The following SLC35F3 variants were observed in gnomAD, a reference collection of about 807,000 sequenced individuals.
The protein encoded by SLC35F3 is solute carrier family 35 member F3.
Under a neutral mutation model 49.9 loss-of-function variants are expected in SLC35F3, and 25 were observed. The observed-to-expected ratio is 0.50, with a 90% CI of 0.37 to 0.70. SLC35F3 has a LOEUF of 0.70. SLC35F3 is among the 30% of genes least tolerant of loss of function. The probability of loss-of-function intolerance (pLI) is 0.00; values close to 1 mark genes in which losing one functional copy is unlikely to be tolerated. For missense variants in SLC35F3, 525 were observed against 639.8 expected (o/e 0.82, Z 1.94); for synonymous variants, 275 against 265.4 (o/e 1.04, Z -0.35).
intron 2 of SLC35F3, among the ~76,000 whole-genome samples, chr1:234,221,813 A>G (rs1667210399): frequency 6.6e-6 from 1 of 152,226 alleles, no homozygotes; most frequent in Non-Finnish European, 1.5e-5. Context: ...GGCCTCTTGC[A>G]GCCTGGGCTT....
chr1:234,185,996 G>A (rs1313082911), intron 2 of SLC35F3, among the ~76,000 whole-genome samples: 1 of 152,172 alleles, frequency 6.6e-6, no homozygotes. Flanking sequence ...GACTGCCATA[G>A]GCTGAGTGCC....
At chr1:233,922,981 G>A (rs879460205) in intron 2 of SLC35F3, among the ~76,000 whole-genome samples, 4 of 151,986 alleles carry the variant, frequency 2.6e-5, no homozygotes, top group Admixed American at 6.6e-5. Context: ...TATTTCTGAG[G>A]GCTCTATTAT....
intron 3 of SLC35F3, among the ~76,000 whole-genome samples, chr1:234,247,798 G>GGCTGGTTCATTGTTTGGTGGGTTGGTTC (rs1667661379): frequency 6.6e-6 from 1 of 151,142 alleles, no homozygotes; most frequent in African/African-American, 2.4e-5. Flanking sequence ...TGGGTTGGTT[G>GGCTGGTTCATTGTTTGGTGGGTTGGTTC]GCTGGTCCAT....
At chr1:234,165,348 T>G (rs992381924) in intron 2 of SLC35F3, among the ~76,000 whole-genome samples, 1 of 152,154 alleles carries the variant, frequency 6.6e-6, no homozygotes, top group African/African-American at 2.4e-5. Flanking sequence ...GTCGCTATTA[T>G]GAAGGGCTCT....
At chr1:234,276,064 T>C (rs984572315) in intron 3 of SLC35F3, among the ~76,000 whole-genome samples, 1 of 152,104 alleles carries the variant, frequency 6.6e-6, no homozygotes, top group Non-Finnish European at 1.5e-5. Context: ...GAGGCAACAT[T>C]GGGAGAGGGT....
chr1:234,293,296 C>A (rs566887321), intron 3 of SLC35F3, among the ~76,000 whole-genome samples: 115 of 152,312 alleles, frequency 7.6e-4, no homozygotes, highest in Middle Eastern at 3.4e-3. Flanking sequence ...AGGCAGGAGC[C>A]CTGAGGATGG....
intron 2 of SLC35F3, among the ~76,000 whole-genome samples, chr1:234,032,312 A>C (rs1664075865): frequency 6.6e-6 from 1 of 152,058 alleles, no homozygotes; most frequent in Non-Finnish European, 1.5e-5. Flanking sequence ...TATTATTGCT[A>C]TTCTTTCATG....
rs142523447 is a variant in SLC35F3, at chr1:234,144,462, T to C, written c.284-86955T>C. Among the ~76,000 whole-genome samples the C allele has an allele frequency of 9.6e-4, 147 of 152,338 alleles. 2 individuals carry two copies. Among genetic ancestry groups the C allele is most frequent in the African/African-American group, 3.2e-3 (132 of 41,566 alleles). ...TGGTAATTCTTTGCAGCATATTATT[T>C]CTACCTCTCACTGATGGCTTTCATC... On this transcript the variant is annotated intron_variant, in intron 2 of 7. Transcript: ENST00000366618.
intron 3 of SLC35F3, chr1:234,306,542 A>G (rs1657188998): frequency 6.6e-6 from 1 of 152,558 alleles, no homozygotes; most frequent in South Asian, 2.1e-4. Context: ...TCAAAATATC[A>G]CAAAGCTCAC....
intron 2 of SLC35F3, among the ~76,000 whole-genome samples, chr1:234,226,264 C>T (rs752285728): frequency 1.6e-4 from 25 of 152,160 alleles, no homozygotes; most frequent in Non-Finnish European, 2.5e-4. Flanking sequence ...CTGTGCAATT[C>T]TATCTCCTTT....
rs112663821 is a variant in SLC35F3, at chr1:234,169,758, C to CTGTTTTGTTTTGTTTTGTTT, written c.284-61652_284-61633dup. ...ATGCACATTCTTCCCAGGGGAACATCTGTTTTGTTTTGTTTTGTTTTGTTT... is the reference window on the plus strand; with the variant it reads ...ATGCACATTCTTCCCAGGGGAACATCTGTTTTGTTTTGTTTTGTTTTGTTTTGTTTTGTTTTGTTTTGTTT... On this transcript the variant is annotated intron_variant, in intron 2 of 7. Coordinates refer to ENST00000366618, the MANE Select transcript of SLC35F3 (RefSeq NM_173508.4). 2.6e-4 allele frequency among the ~76,000 whole-genome samples: 39 copies of CTGTTTTGTTTTGTTTTGTTT among 152,106 alleles called. 1 individual carries two copies. The South Asian group carries it at 7.3e-3, about 28-fold the overall frequency.
intron 3 of SLC35F3, among the ~76,000 whole-genome samples, chr1:234,245,735 TA>T (rs1667622268): frequency 6.6e-6 from 1 of 152,192 alleles, no homozygotes; most frequent in African/African-American, 2.4e-5. Context: ...ATGGGCCACC[TA>T]AGCTGGAGCT....
At chr1:234,197,396 A>G (rs1480422261) in intron 2 of SLC35F3, among the ~76,000 whole-genome samples, 1 of 152,194 alleles carries the variant, frequency 6.6e-6, no homozygotes, top group Non-Finnish European at 1.5e-5. Flanking sequence ...TTCCAGGGCA[A>G]AGGTGAGGGC....
intron 2 of SLC35F3, among the ~76,000 whole-genome samples, chr1:233,951,624 A>AT (rs1662609270): frequency 6.6e-6 from 1 of 152,164 alleles, no homozygotes; most frequent in African/African-American, 2.4e-5. Context: ...CAGGAGCAGT[A>AT]TTTAACTAGG....
intron 2 of SLC35F3, among the ~76,000 whole-genome samples, chr1:233,970,995 T>C (rs191223099): frequency 1.3e-5 from 2 of 152,342 alleles, no homozygotes; most frequent in East Asian, 1.9e-4. Context: ...AATTGTTTTG[T>C]TTTTATCTTT....
intron 2 of SLC35F3, among the ~76,000 whole-genome samples, chr1:234,128,084 C>T (rs888643491): frequency 3.9e-5 from 6 of 152,064 alleles, no homozygotes; most frequent in Admixed American, 2.6e-4. Flanking sequence ...GTGCCGGCTG[C>T]GTCTTCAAAG....
chr1:234,059,616 C>CTAGACATAGACATAGACA (rs55704046), intron 2 of SLC35F3, among the ~76,000 whole-genome samples: 6 of 135,362 alleles, frequency 4.4e-5, no homozygotes, highest in South Asian at 2.6e-4. Flanking sequence ...TAGACATAGA[C>CTAGACATAGACATAGACA]TAGACATAGA....
intron 2 of SLC35F3, among the ~76,000 whole-genome samples, chr1:233,943,605 T>A (rs1662465109): frequency 6.6e-6 from 1 of 152,224 alleles, no homozygotes; most frequent in South Asian, 2.1e-4. Context: ...TATTTCGGTC[T>A]AGAACAACCC....
chr1:234,069,441 GA>G (rs111391915), intron 2 of SLC35F3, among the ~76,000 whole-genome samples: 2 of 151,792 alleles, frequency 1.3e-5, no homozygotes, highest in African/African-American at 4.8e-5. Flanking sequence ...ATTTTCAGTA[GA>G]GACGGAGTTT....
Sources: gnomAD v4.1 joint callset for allele counts (sites outside exome capture counted in the v4.1 genomes callset) on GRCh38, gnomAD v4.1.1 for gene constraint, MANE v1.5 for transcripts, NCBI Gene and HGNC (gene_info 2026-07-23, HGNC 2026-07-21) for gene names.